The following MCHR2 variants were observed in gnomAD, a reference collection of about 807,000 sequenced individuals.
The protein encoded by MCHR2 is melanin-concentrating hormone receptor 2.
Under a neutral mutation model 24.8 loss-of-function variants are expected in MCHR2, and 15 were observed. The observed-to-expected ratio is 0.60, with a 90% CI of 0.40 to 0.93. The LOEUF is 0.93. Ranked by LOEUF, MCHR2 falls within the 40% of genes least tolerant of loss-of-function variation. The pLI is 0.00. For synonymous variants in MCHR2, 151 were observed against 147.6 expected, an observed-to-expected ratio of 1.02 and a Z score of -0.17; for missense variants, 386 against 408.7, an observed-to-expected ratio of 0.94 and a Z score of 0.48.
chr6:99,962,513 A>C (rs1257582711), intron 1 of MCHR2, among the ~76,000 whole-genome samples: 3 of 152,182 alleles, frequency 2.0e-5, no homozygotes, highest in Non-Finnish European at 4.4e-5. Context: ...TAGACTTTTC[A>C]ACAAATGATG....
In MCHR2 at chr6:99,952,591, T is replaced by C. The variant is rs972538168; in HGVS notation, c.182+3375A>G. Among the ~76,000 whole-genome samples, 18 of 152,120 alleles carry C rather than the reference T, an allele frequency of 1.2e-4. 1 individual carries two copies. Among genetic ancestry groups the C allele is most frequent in the African/African-American group, 4.3e-4 (18 of 41,460 alleles). Reference sequence around the variant, plus strand: ...TAATATTTTATTTAATTCACCTGTCTGTTCATAAAGTAACAAATAAAAGAT... The same window carrying C: ...TAATATTTTATTTAATTCACCTGTCCGTTCATAAAGTAACAAATAAAAGAT... On this transcript the variant is annotated intron_variant, in intron 2 of 5. Transcript: ENST00000281806.
At chr6:99,972,541 T>A (rs898826116) in intron 1 of MCHR2, among the ~76,000 whole-genome samples, 1 of 152,134 alleles carries the variant, frequency 6.6e-6, no homozygotes, top group Non-Finnish European at 1.5e-5. Flanking sequence ...TTTTGAAGGG[T>A]TTTTTGGGTC....
At chr6:99,946,939 C>A (rs1251730799) in intron 3 of MCHR2, among the ~76,000 whole-genome samples, 1 of 152,056 alleles carries the variant, frequency 6.6e-6, no homozygotes, top group Admixed American at 6.6e-5. Flanking sequence ...TAATGCAGGG[C>A]ATATCCTAGC....
At chr6:99,952,558 T>C (rs1333248879) in intron 2 of MCHR2, among the ~76,000 whole-genome samples, 1 of 140,306 alleles carries the variant, frequency 7.1e-6, no homozygotes, top group African/African-American at 2.5e-5. Flanking sequence ...TTATCATTAC[T>C]GTAGTCTTAA....
chr6:99,927,645 A>G (rs934690806), intron 5 of MCHR2, among the ~76,000 whole-genome samples: 4 of 151,728 alleles, frequency 2.6e-5, no homozygotes, highest in Non-Finnish European at 5.9e-5. Context: ...TTTGTCTGTT[A>G]TTGGTGTATA....
chr6:99,989,563 AC>A (rs1024690213), intron 1 of MCHR2, among the ~76,000 whole-genome samples: 1 of 152,130 alleles, frequency 6.6e-6, no homozygotes, highest in Admixed American at 6.5e-5. Flanking sequence ...CTATGTGCTG[AC>A]CTTTGACCTC....
intron 5 of MCHR2, among the ~76,000 whole-genome samples, chr6:99,931,373 C>A (rs978850960): frequency 6.6e-6 from 1 of 152,184 alleles, no homozygotes; most frequent in Non-Finnish European, 1.5e-5. Flanking sequence ...TCAAAGCTGT[C>A]AGACAGGGAC....
At chr6:99,939,718 T>G (rs73760569) in intron 4 of MCHR2, among the ~76,000 whole-genome samples, 9 of 151,564 alleles carry the variant, frequency 5.9e-5, no homozygotes, top group Non-Finnish European at 1.0e-4. Flanking sequence ...GTTTTTTTTT[T>G]TTTCTTTCCA....
chr6:99,940,298 G>A (rs576206908), intron 4 of MCHR2, among the ~76,000 whole-genome samples: 7 of 151,860 alleles, frequency 4.6e-5, no homozygotes, highest in African/African-American at 1.7e-4. Context: ...TTTTCTGACT[G>A]TGTATTTTCA....
intron 1 of MCHR2, among the ~76,000 whole-genome samples, chr6:99,984,148 A>G (rs186908599): frequency 6.0e-4 from 92 of 152,328 alleles, no homozygotes; most frequent in African/African-American, 2.1e-3. Context: ...ATACATGCAC[A>G]TACACATATA....
At chr6:99,969,494 A>T (rs975068870) in intron 1 of MCHR2, among the ~76,000 whole-genome samples, 1 of 77,554 alleles carries the variant, frequency 1.3e-5, no homozygotes, top group Admixed American at 1.4e-4. Context: ...AAAAAAAAAG[A>T]AAAGAAAACT....
intron 1 of MCHR2, among the ~76,000 whole-genome samples, chr6:99,982,393 C>G (rs1367921075): frequency 1.5e-5 from 2 of 133,924 alleles, no homozygotes; most frequent in Admixed American, 1.8e-4. Flanking sequence ...CTTTGGGAGG[C>G]TGAGGTGGGC....
rs189994019 is a variant in MCHR2 at position 99,965,352 on chromosome 6, T to C, written c.-27-9178A>G. On this transcript the variant is annotated intron_variant, in intron 1 of 5. Transcript: ENST00000281806. ...TAACTTTGATTGTGGTTCTGTTATA[T>C]GAAAATTTAATGCCAAAGTGTTTAC... Among the ~76,000 whole-genome samples the C allele has an allele frequency of 7.1e-4, 108 of 152,304 alleles. 1 individual carries two copies. The South Asian group carries it at 0.017, about 24-fold the overall frequency.
chr6:99,949,001 A>G (rs1027811077), intron 2 of MCHR2, among the ~76,000 whole-genome samples: 2 of 152,154 alleles, frequency 1.3e-5, no homozygotes, highest in Admixed American at 1.3e-4. Flanking sequence ...AGTGAATTCA[A>G]TGCTATCTAG....
chr6:99,991,762 G>A (rs1378655663), intron 1 of MCHR2, among the ~76,000 whole-genome samples: 3 of 127,190 alleles, frequency 2.4e-5, no homozygotes, highest in African/African-American at 3.0e-5. Context: ...AGCAGAGACC[G>A]CGCGACACTG....
intron 1 of MCHR2, among the ~76,000 whole-genome samples, chr6:99,985,241 G>T (rs1775749151): frequency 6.6e-6 from 1 of 151,888 alleles, no homozygotes; most frequent in Non-Finnish European, 1.5e-5. Context: ...TCATCAAAAT[G>T]ACCATACTGC....
chr6:99,961,868 G>T (rs1419232091), intron 1 of MCHR2, among the ~76,000 whole-genome samples: 1 of 151,956 alleles, frequency 6.6e-6, no homozygotes, highest in Non-Finnish European at 1.5e-5. Context: ...TAATAAAAAA[G>T]AATATGAAAA....
At chr6:99,926,090 T>A (rs1294447901) in intron 5 of MCHR2, among the ~76,000 whole-genome samples, 1 of 151,984 alleles carries the variant, frequency 6.6e-6, no homozygotes, top group Non-Finnish European at 1.5e-5. Flanking sequence ...TGGTGTTTGG[T>A]TTTTTGTCCT....
intron 1 of MCHR2, among the ~76,000 whole-genome samples, chr6:99,964,702 G>A (rs1775259884): frequency 6.6e-6 from 1 of 152,050 alleles, no homozygotes; most frequent in South Asian, 2.1e-4. Flanking sequence ...TTCAAGATGA[G>A]ATTTTGGGTG....
Sources: gnomAD v4.1 joint callset for allele counts (sites outside exome capture counted in the v4.1 genomes callset) on GRCh38, gnomAD v4.1.1 for gene constraint, MANE v1.5 for transcripts, NCBI Gene and HGNC (gene_info 2026-07-23, HGNC 2026-07-21) for gene names.